Variants in VPS13B observed in about 807,000 individuals in gnomAD.
VPS13B encodes the protein vacuolar protein sorting 13 homolog B.
VPS13B carries 285 observed loss-of-function variants against 426.4 expected under a neutral mutation model. The ratio of observed to expected loss-of-function variants is 0.67; its 90% confidence interval spans 0.61 to 0.74. The LOEUF (loss-of-function observed/expected upper bound fraction) is 0.74. Among genes scored for constraint, VPS13B ranks in the 30% least tolerant of loss-of-function variants. VPS13B has a pLI of 0.00. For synonymous variants in VPS13B, 1,676 were observed against 1,676.4 expected (o/e 1.00, Z 0.01); for missense variants, 4,537 against 4,782.6 (o/e 0.95, Z 1.51).
chr8:99,717,443 C>G (rs1319611040), intron 37 of VPS13B, 70 bp downstream of exon 37: 9 of 1,374,710 alleles, frequency 6.5e-6, no homozygotes, highest in Non-Finnish European at 8.2e-6. Context: ...TGAACTGTTT[C>G]ACTAAATTTT....
intron 19 of VPS13B, among the ~76,000 whole-genome samples, chr8:99,372,321 T>G (rs1046701935): frequency 7.4e-5 from 11 of 148,262 alleles, no homozygotes; most frequent in Middle Eastern, 3.5e-3. Context: ...TGGGATCTAA[T>G]CAAACTAAAG....
chr8:99,807,270 CAG>C (rs1214001705), intron 43 of VPS13B, among the ~76,000 whole-genome samples: 2 of 152,196 alleles, frequency 1.3e-5, no homozygotes, highest in African/African-American at 4.8e-5. Flanking sequence ...GCTGTGTACA[CAG>C]AGTGAGCAGC....
At chr8:99,763,846 C>T (rs1207981839) in intron 39 of VPS13B, among the ~76,000 whole-genome samples, 1 of 152,182 alleles carries the variant, frequency 6.6e-6, no homozygotes, top group Non-Finnish European at 1.5e-5. Context: ...GCTACTATTT[C>T]ATCACATTTA....
At chr8:99,718,402 A>G (rs1202747087) in intron 37 of VPS13B, among the ~76,000 whole-genome samples, 1 of 152,176 alleles carries the variant, frequency 6.6e-6, no homozygotes, top group Admixed American at 6.6e-5. Context: ...ACATGTGATG[A>G]TATCTGATTA....
At chr8:99,457,894 AGATTTCTTTTTGTTGCT>A (rs1563740775) in intron 23 of VPS13B, among the ~76,000 whole-genome samples, 3 of 152,048 alleles carry the variant, frequency 2.0e-5, no homozygotes, top group Middle Eastern at 3.4e-3. Context: ...ACAATTTCAT[AGATTTCTTTTTGTTGCT>A]GATTTCTTTT....
chr8:99,123,046 G>A (rs537217647), intron 8 of VPS13B, among the ~76,000 whole-genome samples: 19 of 150,618 alleles, frequency 1.3e-4, no homozygotes, highest in African/African-American at 4.1e-4. Flanking sequence ...GCTTGAACCC[G>A]GGAGGTGGAG....
At chr8:99,559,475 C>T (rs954077995) in intron 31 of VPS13B, among the ~76,000 whole-genome samples, 3 of 152,246 alleles carry the variant, frequency 2.0e-5, no homozygotes, top group African/African-American at 4.8e-5. Flanking sequence ...TCATGAAGTC[C>T]TTGCCCATGC....
chr8:99,732,291 T>C (rs972107960), intron 39 of VPS13B, among the ~76,000 whole-genome samples: 2 of 152,212 alleles, frequency 1.3e-5, no homozygotes, highest in African/African-American at 4.8e-5. Context: ...CTTCCTGCTG[T>C]ATGCTACTCT....
At chr8:99,138,270 G>T (rs1328773301) in intron 12 of VPS13B, among the ~76,000 whole-genome samples, 2 of 152,208 alleles carry the variant, frequency 1.3e-5, no homozygotes, top group Non-Finnish European at 2.9e-5. Flanking sequence ...GGGACTACAG[G>T]CATGCGCTGC....
In VPS13B at chr8:99,391,627, G is replaced by A; in HGVS notation, c.3005G>A (p.Ser1002Asn). 1.2e-6 allele frequency: 2 copies of A among 1,614,188 alleles called. No individual in the cohort carries two copies. The highest frequency in any genetic ancestry group is 1.7e-5 in the Admixed American group (1 of 60,016). The stretch of plus-strand genomic sequence containing the variant: ...AAAGAGGATGAGGTGTCTATTGGAA[G>A]TGCCCCCTTGGCAAAGCAGCAATCA... ...RRKEDEVSIG[S>N]APLAKQQSYQ... The change falls in exon 21 of 62, where the codon AGT (serine) becomes AAT (asparagine). Residue 1002 changes from serine to asparagine, a missense_variant. Around this residue, in one of 2 missense-constraint regions of VPS13B, gnomAD observed 4,311 missense variants for 4,474.3 expected, o/e 0.96. Transcript: ENST00000357162.
chr8:99,821,399 G>A lies in VPS13B; in HGVS notation c.9100G>A (p.Gly3034Ser), dbSNP rs778256097. ...NLTSPKWKDG[G>S]NGEVVTLDEE... ...GACATCTCCAAAGTGGAAAGATGGA[G>A]GTAATGGTGAAGTTGTGACACTGGA... is the stretch of plus-strand genomic sequence containing the variant. The change falls in exon 50 of 62, where the codon GGT (glycine) becomes AGT (serine). Residue 3034 changes from glycine (G) to serine (S), a missense_variant. Physicochemically the swap from Gly to Ser is moderately conservative, Grantham distance 56. Around this residue, in one of 2 missense-constraint regions of VPS13B, gnomAD observed 4,311 missense variants for 4,474.3 expected, o/e 0.96. Transcript: ENST00000357162. 2.9e-5 allele frequency: 46 copies of A among 1,613,732 alleles called. No homozygotes were observed. The highest frequency in any genetic ancestry group is 1.6e-4 in the Middle Eastern group (1 of 6,084).
At chr8:99,539,245 AT>A (rs1325389564) in intron 30 of VPS13B, among the ~76,000 whole-genome samples, 4 of 152,180 alleles carry the variant, frequency 2.6e-5, no homozygotes, top group Non-Finnish European at 4.4e-5. Context: ...AGGTACAATA[AT>A]TTTCTGCACA....
chr8:99,270,198 G>C (rs533493633), intron 17 of VPS13B, among the ~76,000 whole-genome samples: 1 of 121,822 alleles, frequency 8.2e-6, no homozygotes, highest in East Asian at 2.7e-4. Flanking sequence ...GAGTGCAGTG[G>C]TGTGATCTCG....
chr8:99,517,845 C>T (rs546113541), intron 29 of VPS13B, among the ~76,000 whole-genome samples: 194 of 151,754 alleles, frequency 1.3e-3, no homozygotes, highest in African/African-American at 4.4e-3. Context: ...AAAAGAGAAG[C>T]TGATTTTTTT....
chr8:99,101,277 G>A (rs1166073000), intron 4 of VPS13B, among the ~76,000 whole-genome samples: 3 of 152,012 alleles, frequency 2.0e-5, no homozygotes, highest in Non-Finnish European at 4.4e-5. Context: ...GACTACAGGT[G>A]CCTGCCACCA....
At chr8:99,045,049 C>A (rs1384247980) in intron 3 of VPS13B, among the ~76,000 whole-genome samples, 1 of 152,110 alleles carries the variant, frequency 6.6e-6, no homozygotes, top group Non-Finnish European at 1.5e-5. Flanking sequence ...ATAATGACTT[C>A]TTTTCCACTG....
At chr8:99,065,648 T>A (rs1252986110) in intron 3 of VPS13B, among the ~76,000 whole-genome samples, 1 of 152,238 alleles carries the variant, frequency 6.6e-6, no homozygotes, top group Non-Finnish European at 1.5e-5. Flanking sequence ...TTGGAAGTTC[T>A]GGCCAGAGCA....
chr8:99,210,216 G>T (rs1384375842), intron 17 of VPS13B, among the ~76,000 whole-genome samples: 1 of 152,110 alleles, frequency 6.6e-6, no homozygotes, highest in Non-Finnish European at 1.5e-5. Flanking sequence ...ATTATGCTCT[G>T]GGAATCAGCA....
At chr8:99,367,481 G>A (rs1023219071) in intron 19 of VPS13B, among the ~76,000 whole-genome samples, 7 of 151,868 alleles carry the variant, frequency 4.6e-5, no homozygotes, top group Non-Finnish European at 8.8e-5. Flanking sequence ...GTCTTCTTTC[G>A]GTCAGATCTG....
Sources: gnomAD v4.1 joint callset for allele counts (sites outside exome capture counted in the v4.1 genomes callset) on GRCh38, gnomAD v4.1.1 for gene constraint, gnomAD v4.1.1 regional missense constraint, MANE v1.5 for transcripts, NCBI Gene and HGNC (gene_info 2026-07-23, HGNC 2026-07-21) for gene names.